TMEM156: variants seen among roughly 807,000 people sequenced by gnomAD.
The protein encoded by TMEM156 is transmembrane protein 156.
Under a neutral mutation model 30.5 loss-of-function variants are expected in TMEM156, and 28 were observed. The ratio of observed to expected loss-of-function variants is 0.92; its 90% CI spans 0.68 to 1.26. The LOEUF (loss-of-function observed/expected upper bound fraction) is 1.26. Ranked by LOEUF, TMEM156 falls within the 50% of genes most tolerant of loss-of-function variation. The probability of loss-of-function intolerance (pLI) is 0.00; values close to 1 mark genes in which losing one functional copy is unlikely to be tolerated. For synonymous variants in TMEM156, 137 were observed against 119.9 expected (o/e 1.14, Z -0.93); for missense variants, 351 against 340.6 (o/e 1.03, Z -0.24).
intron 5 of TMEM156, among the ~76,000 whole-genome samples, chr4:38,976,950 G>A (rs751733802): frequency 2.6e-5 from 4 of 152,268 alleles, no homozygotes; most frequent in East Asian, 3.9e-4. Context: ...CTGTTGCCCA[G>A]GCTGGAGTGC....
chr4:39,017,262 C>T (rs1714557405), intron 1 of TMEM156, among the ~76,000 whole-genome samples: 1 of 149,754 alleles, frequency 6.7e-6, no homozygotes, highest in Non-Finnish European at 1.5e-5. Flanking sequence ...TCAAGCTCCG[C>T]CTCCCAGGTT....
chr4:38,998,936 C>G lies in TMEM156; in HGVS notation c.89-27G>C, dbSNP rs78845892. On this transcript the variant is annotated intron_variant, in intron 1 of 6. Transcript: ENST00000381938. ...TGTAAAGAAAAAAGAAAAACACTTTCTTTACTGTAAAGCTTTGAGTTTTTG... is the reference window on the plus strand; with the variant it reads ...TGTAAAGAAAAAAGAAAAACACTTTGTTTACTGTAAAGCTTTGAGTTTTTG... 134 of 1,580,210 alleles carry G rather than the reference C, an allele frequency of 8.5e-5. No homozygotes were observed. The East Asian group carries it at 2.8e-3, about 33-fold the overall frequency.
chr4:38,992,700 A>AATATATATATT (rs1712571880), intron 3 of TMEM156, among the ~76,000 whole-genome samples: 4 of 44,200 alleles, frequency 9.0e-5, no homozygotes, highest in African/African-American at 1.4e-4. Context: ...TATATTATAT[A>AATATATATATT]ATATATATAT....
chr4:38,971,285 C>T (rs1722585668), intron 5 of TMEM156, 148 bp from the exon 6 acceptor site: 2 of 647,140 alleles, frequency 3.1e-6, no homozygotes, highest in South Asian at 3.9e-5. Context: ...ATTTTCCTGC[C>T]TACCTCTCTA....
intron 1 of TMEM156, among the ~76,000 whole-genome samples, chr4:39,014,373 G>A (rs1217738840): frequency 1.3e-5 from 2 of 152,148 alleles, no homozygotes; most frequent in African/African-American, 4.8e-5. Flanking sequence ...AAGACATTGA[G>A]GGGTTTAATG....
At chr4:38,977,708 C>T (rs1247943212) in intron 5 of TMEM156, among the ~76,000 whole-genome samples, 1 of 152,182 alleles carries the variant, frequency 6.6e-6, no homozygotes, top group East Asian at 1.9e-4. Context: ...CTGAAACAAA[C>T]ATTTCTATGA....
chr4:38,981,494 T>C (rs1711540368), intron 5 of TMEM156, among the ~76,000 whole-genome samples: 1 of 152,168 alleles, frequency 6.6e-6, no homozygotes, highest in African/African-American at 2.4e-5. Context: ...CAGTTTCCAA[T>C]GAGAAACTGA....
At chr4:38,999,910 T>A (rs1034974727) in intron 1 of TMEM156, among the ~76,000 whole-genome samples, 2 of 152,208 alleles carry the variant, frequency 1.3e-5, no homozygotes, top group African/African-American at 4.8e-5. Context: ...CCTTTTTCCT[T>A]ATAAGGTGAC....
chr4:38,979,665 A>G (rs1217498095), intron 5 of TMEM156, among the ~76,000 whole-genome samples: 1 of 152,208 alleles, frequency 6.6e-6, no homozygotes, highest in Non-Finnish European at 1.5e-5. Context: ...TGCAGCCATC[A>G]TGACTCTTCA....
Position 38,993,834 on chromosome 4 carries a change from G to A in TMEM156, c.523C>T (p.Pro175Ser). Reference sequence around the variant, plus strand: ...TAGTTTATCGATTTCTCCTTGCTTGGCTCATCCTCCATGATTGTTGATCTT... The same window carrying A: ...TAGTTTATCGATTTCTCCTTGCTTGACTCATCCTCCATGATTGTTGATCTT... Reference protein sequence around the residue: ...TGRSTIMEDEPSKEKSINYTC... With the variant: ...TGRSTIMEDESSKEKSINYTC... The change falls in exon 3 of 7, where the codon CCA becomes TCA. Residue 175 changes from proline (P) to serine (S), a missense_variant. Physicochemically the swap from Pro to Ser is moderately conservative, Grantham distance 74. Transcript: ENST00000381938. 6.2e-7 allele frequency: 1 copy of A among 1,613,902 alleles called. No homozygotes were observed. The highest frequency in any genetic ancestry group is 8.5e-7 in the Non-Finnish European group (1 of 1,179,934).
At chr4:39,028,306 A>C (rs532009398) in intron 1 of TMEM156, 56 of 152,296 alleles carry the variant, frequency 3.7e-4, no homozygotes, top group African/African-American at 1.3e-3. Flanking sequence ...ATTTTATTTA[A>C]TAATCGTCAT....
intron 1 of TMEM156, among the ~76,000 whole-genome samples, chr4:39,002,852 G>A (rs1332991211): frequency 6.6e-6 from 1 of 151,700 alleles, no homozygotes; most frequent in Non-Finnish European, 1.5e-5. Context: ...CATGGACACA[G>A]GAAGGGGAAC....
chr4:38,982,272 C>T (rs1711626787), intron 5 of TMEM156, among the ~76,000 whole-genome samples: 1 of 152,218 alleles, frequency 6.6e-6, no homozygotes, highest in Non-Finnish European at 1.5e-5. Context: ...CCTCAGCTTG[C>T]AGATGGCCTA....
intron 1 of TMEM156, among the ~76,000 whole-genome samples, chr4:39,019,501 T>C (rs1333331648): frequency 6.6e-6 from 1 of 152,166 alleles, no homozygotes; most frequent in Non-Finnish European, 1.5e-5. Flanking sequence ...TCTCCCCACA[T>C]ATTTGTTTTA....
At chr4:39,006,213 C>T (rs934978155) in intron 1 of TMEM156, among the ~76,000 whole-genome samples, 2 of 152,122 alleles carry the variant, frequency 1.3e-5, no homozygotes, top group Non-Finnish European at 2.9e-5. Flanking sequence ...TTTTGACACA[C>T]ATTCTGACCA....
At chr4:39,016,580 CAGAT>C (rs1714501168) in intron 1 of TMEM156, among the ~76,000 whole-genome samples, 1 of 152,024 alleles carries the variant, frequency 6.6e-6, no homozygotes, top group Non-Finnish European at 1.5e-5. Flanking sequence ...TAAGTTTAAA[CAGAT>C]AGTATTTTTT....
intron 4 of TMEM156, among the ~76,000 whole-genome samples, chr4:38,988,574 GC>G (rs1712171477): frequency 6.6e-6 from 1 of 152,032 alleles, no homozygotes; most frequent in South Asian, 2.1e-4. Flanking sequence ...CTCTCTCTCT[GC>G]CCTCACTTCC....
At chr4:38,969,229 C>T (rs188095248) in intron 6 of TMEM156, among the ~76,000 whole-genome samples, 1 of 152,156 alleles carries the variant, frequency 6.6e-6, no homozygotes, top group Non-Finnish European at 1.5e-5. Context: ...TCCCTTCATC[C>T]TCTCCCCACA....
chr4:39,000,932 G>A (rs1713298277), intron 1 of TMEM156, among the ~76,000 whole-genome samples: 1 of 151,940 alleles, frequency 6.6e-6, no homozygotes, highest in Non-Finnish European at 1.5e-5. Context: ...ATATTCCAAA[G>A]TAAAAATTTT....
Sources: allele counts gnomAD v4.1 joint callset (sites outside exome capture counted in the v4.1 genomes callset), GRCh38; gene constraint gnomAD v4.1.1; transcripts MANE v1.5; gene names NCBI Gene and HGNC (gene_info 2026-07-23, HGNC 2026-07-21).